Variants in TSHR observed in about 807,000 individuals in gnomAD.
The protein encoded by TSHR is thyrotropin receptor.
TSHR carries 51 observed loss-of-function variants against 64.1 expected under a neutral mutation model. That is an observed-to-expected ratio of 0.80 (90% CI 0.64 to 1.01). The LOEUF (loss-of-function observed/expected upper bound fraction) is 1.01. Ranked by LOEUF, TSHR falls within the 50% of genes least tolerant of loss-of-function variation. The pLI, the probability that TSHR is intolerant of heterozygous loss-of-function variation, is 0.00. For synonymous variants in TSHR, 361 were observed against 361.9 expected (o/e 1.00, Z 0.03); for missense variants, 877 against 942.8 (o/e 0.93, Z 0.91).
At chr14:81,044,085 T>C (rs188736510) in intron 1 of TSHR, among the ~76,000 whole-genome samples, 6 of 152,108 alleles carry the variant, frequency 3.9e-5, no homozygotes, top group Admixed American at 2.0e-4. Flanking sequence ...AATTGACAAA[T>C]GGGATCTAAT....
At chr14:81,136,307 A>G (rs1162535393) in intron 8 of TSHR, among the ~76,000 whole-genome samples, 1 of 152,230 alleles carries the variant, frequency 6.6e-6, no homozygotes, top group Non-Finnish European at 1.5e-5. Context: ...TGGACTAGAA[A>G]GCTTACACTG....
In TSHR at chr14:81,102,189, A is replaced by C. The variant is rs1348604064; in HGVS notation, c.614+5482A>C. Among the ~76,000 whole-genome samples, 4 of 151,910 alleles carry C rather than the reference A, an allele frequency of 2.6e-5. No homozygotes were observed. The East Asian group carries it at 5.8e-4, about 22-fold the overall frequency. On this transcript the variant is annotated intron_variant, in intron 7 of 9. Coordinates refer to ENST00000298171, the MANE Select transcript of TSHR (RefSeq NM_000369.5). ...TCCATCTCAGGGAAAAAAAAAAAAA[A>C]AAACTAAACAATAGTGAATGAGACA... is the stretch of plus-strand genomic sequence containing the variant.
In TSHR at chr14:81,143,687, T is replaced by C. The variant is rs1857414949; in HGVS notation, c.1629T>C (p.Val543=). 2 of 1,614,164 alleles carry C rather than the reference T, an allele frequency of 1.2e-6. No individual in the cohort carries two copies. The highest frequency in any genetic ancestry group is 1.7e-6 in the Non-Finnish European group (2 of 1,180,022). Residue 543 remains valine (V), a synonymous_variant, in exon 10 of 10, where the codon GTT becomes GTC. Transcript: ENST00000298171. ...TCAGGCACGCATGTGCCATCATGGT[T>C]GGGGGCTGGGTTTGCTGCTTCCTTC... ...IRLRHACAIM[V]GGWVCCFLLA... is the part of the protein sequence containing the mutation.
At position 81,092,547 on chromosome 14, in the gene TSHR, C is replaced by A. The variant is rs121908863; in HGVS notation, c.484C>A (p.Pro162Thr). The A allele has an allele frequency of 2.5e-6, 4 of 1,613,870 alleles. No homozygotes were observed. Among genetic ancestry groups the A allele is most frequent in the Admixed American group, 1.7e-5 (1 of 59,986 alleles). Residue 162 changes from proline (P) to threonine (T), a missense_variant, in exon 6 of 10, where the codon CCT becomes ACT. Transcript: ENST00000298171. Reference sequence around the variant, plus strand: ...CTCTTGCAGTGAAATTACAGACAACCCTTACATGACGTCAATCCCTGTGAA... The same window carrying A: ...CTCTTGCAGTGAAATTACAGACAACACTTACATGACGTCAATCCCTGTGAA... ...IFFILEITDN[P>T]YMTSIPVNAF...
At chr14:81,082,380 A>T (rs972172301) in intron 3 of TSHR, among the ~76,000 whole-genome samples, 2 of 152,198 alleles carry the variant, frequency 1.3e-5, no homozygotes, top group Non-Finnish European at 2.9e-5. Flanking sequence ...TGCAATCCTG[A>T]GTTTGTCCTG....
chr14:80,999,668 C>T (rs1047499124), intron 1 of TSHR, among the ~76,000 whole-genome samples: 3 of 152,116 alleles, frequency 2.0e-5, no homozygotes, highest in African/African-American at 7.2e-5. Flanking sequence ...CCAACTCGTT[C>T]TCTGGGTCTA....
At chr14:81,055,893 A>G (rs970660623) in intron 1 of TSHR, among the ~76,000 whole-genome samples, 1 of 152,122 alleles carries the variant, frequency 6.6e-6, no homozygotes, top group African/African-American at 2.4e-5. Flanking sequence ...TGCTGAAATG[A>G]GTTAAGACTT....
In TSHR at chr14:80,964,192, C is replaced by A. The variant is rs147468075; in HGVS notation, c.170+8342C>A. 4.4e-3 allele frequency among the ~76,000 whole-genome samples: 675 copies of A among 152,162 alleles called. 2 individuals are homozygous for A. The highest frequency in any genetic ancestry group is 0.015 in the African/African-American group (637 of 41,520). On this transcript the variant is annotated intron_variant, in intron 1 of 9. Coordinates refer to ENST00000298171, the MANE Select transcript of TSHR (RefSeq NM_000369.5). Reference sequence around the variant, plus strand: ...ACCATCCTGGCTAACACGGTGAAACCCAGTGTTTAAAAGTCCAACCTCAAC... The same window carrying A: ...ACCATCCTGGCTAACACGGTGAAACACAGTGTTTAAAAGTCCAACCTCAAC...
chr14:80,983,973 C>CA (rs1888307055), intron 1 of TSHR, among the ~76,000 whole-genome samples: 1 of 151,810 alleles, frequency 6.6e-6, no homozygotes, highest in South Asian at 2.1e-4. Context: ...CTTAAAATGG[C>CA]AAAAAAGAAA....
At chr14:81,005,559 A>C (rs1889559593) in intron 1 of TSHR, among the ~76,000 whole-genome samples, 3 of 152,176 alleles carry the variant, frequency 2.0e-5, no homozygotes. Flanking sequence ...ATATTGATCC[A>C]CAATCAATAT....
intron 3 of TSHR, among the ~76,000 whole-genome samples, chr14:81,084,923 T>TA (rs1215816908): frequency 3.3e-5 from 5 of 152,216 alleles, no homozygotes; most frequent in African/African-American, 4.8e-5. Flanking sequence ...GAATAGGTTT[T>TA]ACTAGTTGCA....
chr14:81,098,659 G>A (rs533604377), intron 7 of TSHR, among the ~76,000 whole-genome samples: 97 of 152,132 alleles, frequency 6.4e-4, no homozygotes, highest in Non-Finnish European at 9.0e-4. Flanking sequence ...TGCACCAAAA[G>A]TTTAGTTAGC....
rs761050933 is a variant in TSHR at position 81,068,296 on chromosome 14, C to T, written c.285C>T (p.His95=). 36 of 1,613,160 alleles carry T rather than the reference C, an allele frequency of 2.2e-5. No individual in the cohort carries two copies. Among genetic ancestry groups the T allele is most frequent in the Non-Finnish European group, 3.1e-5 (36 of 1,179,466 alleles). The change falls in exon 3 of 10, where the codon CAC becomes CAT. Residue 95 remains histidine, a synonymous_variant. Coordinates refer to ENST00000298171, the MANE Select transcript of TSHR (RefSeq NM_000369.5). Reference sequence around the variant, plus strand: ...TGACTCTGCAGCAGCTGGAATCACACTCCTTCTACAATTTGAGTAAAGTGA... The same window carrying T: ...TGACTCTGCAGCAGCTGGAATCACATTCCTTCTACAATTTGAGTAAAGTGA... ...IDVTLQQLES[H]SFYNLSKVTH...
chr14:80,983,063 T>G, intron 1 of TSHR: 2 of 563,344 alleles, frequency 3.6e-6, no homozygotes, highest in Non-Finnish European at 3.2e-6. Context: ...GCCCAAGAGT[T>G]TATTAATGAA....
At chr14:81,108,894 C>T (rs1034082452) in intron 8 of TSHR, 8 of 1,430,898 alleles carry the variant, frequency 5.6e-6, no homozygotes, top group Admixed American at 2.8e-5. Context: ...TGTGGAAGAA[C>T]TTACAATCAT....
chr14:81,012,150 C>G (rs1307682045), intron 1 of TSHR: 2 of 146,166 alleles, frequency 1.4e-5, no homozygotes, highest in Non-Finnish European at 3.0e-5. Context: ...TCCATATGTT[C>G]TCATTGTTCA....
At chr14:80,988,653 T>C (rs1190872975) in intron 1 of TSHR, among the ~76,000 whole-genome samples, 1 of 152,186 alleles carries the variant, frequency 6.6e-6, no homozygotes, top group Non-Finnish European at 1.5e-5. Flanking sequence ...ACAAATTCCA[T>C]ATTCTAAAGA....
chr14:81,071,388 GT>G (rs1424828230), intron 3 of TSHR, among the ~76,000 whole-genome samples: 1 of 152,076 alleles, frequency 6.6e-6, no homozygotes. Context: ...TTCTTTCTAA[GT>G]CTAGATTAGC....
At chr14:81,105,856 G>A (rs986402556) in intron 7 of TSHR, among the ~76,000 whole-genome samples, 1 of 152,138 alleles carries the variant, frequency 6.6e-6, no homozygotes, top group Non-Finnish European at 1.5e-5. Context: ...AAGCTGCATT[G>A]TCCAGAGAAT....
Sources: gnomAD v4.1 joint callset for allele counts (sites outside exome capture counted in the v4.1 genomes callset) on GRCh38, gnomAD v4.1.1 for gene constraint, MANE v1.5 for transcripts, NCBI Gene and HGNC (gene_info 2026-07-23, HGNC 2026-07-21) for gene names.